Variants in ADAMTSL1 observed in about 807,000 individuals in gnomAD.
The protein encoded by ADAMTSL1 is ADAMTS-like protein 1.
ADAMTSL1 carries 126 observed loss-of-function variants against 201.8 expected under a neutral mutation model. The ratio of observed to expected loss-of-function variants is 0.62; its 90% CI spans 0.54 to 0.72. ADAMTSL1 has a LOEUF of 0.72. Ranked by LOEUF, ADAMTSL1 falls within the 30% of genes least tolerant of loss-of-function variation. The probability of loss-of-function intolerance (pLI) is 0.00; values close to 1 mark genes in which losing one functional copy is unlikely to be tolerated. For synonymous variants in ADAMTSL1, 1,121 were observed against 903.4 expected (o/e 1.24, Z -4.32); for missense variants, 2,679 against 2,277.8 (o/e 1.18, Z -3.59).
chr9:18,238,118 G>T (rs1403521669), intron 2 of ADAMTSL1, among the ~76,000 whole-genome samples: 1 of 152,132 alleles, frequency 6.6e-6, no homozygotes, highest in African/African-American at 2.4e-5. Flanking sequence ...TCAGAGGTCT[G>T]GGAGATGTTG....
chr9:17,991,772 A>G (rs962976024), intron 1 of ADAMTSL1, among the ~76,000 whole-genome samples: 21 of 152,164 alleles, frequency 1.4e-4, no homozygotes, highest in Non-Finnish European at 2.2e-4. Context: ...GTACACGTGC[A>G]TCCTTAACTT....
chr9:18,610,665 C>T (rs1470337517), intron 4 of ADAMTSL1, among the ~76,000 whole-genome samples: 1 of 152,002 alleles, frequency 6.6e-6, no homozygotes, highest in African/African-American at 2.4e-5. Context: ...CAGGTAAGAG[C>T]CAAAGAATGA....
chr9:18,540,422 TCTAC>T (rs1820058519), intron 3 of ADAMTSL1, among the ~76,000 whole-genome samples: 1 of 152,170 alleles, frequency 6.6e-6, no homozygotes, highest in Non-Finnish European at 1.5e-5. Flanking sequence ...GGAGGGTTGC[TCTAC>T]CTGAGGTGGT....
chr9:18,099,326 AAT>A (rs71333027), intron 1 of ADAMTSL1, among the ~76,000 whole-genome samples: 2,096 of 57,536 alleles, frequency 0.036, 138 homozygotes, highest in South Asian at 0.062. Context: ...GCAAATGGAA[AAT>A]ATATATATAT....
At chr9:18,348,570 T>C (rs554588714) in intron 2 of ADAMTSL1, among the ~76,000 whole-genome samples, 1 of 152,330 alleles carries the variant, frequency 6.6e-6, no homozygotes, top group East Asian at 1.9e-4. Context: ...CCATTCATTC[T>C]ATAACTCATA....
intron 1 of ADAMTSL1, among the ~76,000 whole-genome samples, chr9:18,497,225 T>C (rs148229174): frequency 5.3e-4 from 80 of 152,330 alleles, no homozygotes; most frequent in African/African-American, 1.9e-3. Context: ...AAAATATCCC[T>C]ATAGTCCAGG....
rs1473897608 is a variant in ADAMTSL1, at chr9:18,906,675, C to T, written c.4962-17C>T. On this transcript the variant is annotated splice_polypyrimidine_tract_variant and intron_variant, in intron 27 of 28. Coordinates refer to ENST00000380548, the MANE Select transcript of ADAMTSL1 (RefSeq NM_001040272.6). Reference sequence around the variant, plus strand: ...CCCACAGAAGCAAACCTTAACCCTGCCACCATCCTCCTGCAGGCCTGTGAG... The same window carrying T: ...CCCACAGAAGCAAACCTTAACCCTGTCACCATCCTCCTGCAGGCCTGTGAG... 6.5e-7 allele frequency: 1 copy of T among 1,550,004 alleles called. No homozygotes were observed. Among genetic ancestry groups the T allele is most frequent in the East Asian group, 2.4e-5 (1 of 42,312 alleles).
chr9:18,043,367 G>T (rs944528889), intron 1 of ADAMTSL1, among the ~76,000 whole-genome samples: 1 of 152,100 alleles, frequency 6.6e-6, no homozygotes, highest in Non-Finnish European at 1.5e-5. Context: ...AAAATTTTTT[G>T]GGGGGATGTG....
At chr9:18,320,494 A>C (rs891385920) in intron 2 of ADAMTSL1, among the ~76,000 whole-genome samples, 2 of 152,188 alleles carry the variant, frequency 1.3e-5, no homozygotes, top group South Asian at 2.1e-4. Context: ...CCGCAGATCT[A>C]CAGTGTAACA....
At chr9:18,016,187 C>G (rs1291388737) in intron 1 of ADAMTSL1, among the ~76,000 whole-genome samples, 3 of 151,974 alleles carry the variant, frequency 2.0e-5, no homozygotes, top group African/African-American at 7.2e-5. Context: ...CCTTTTCTTT[C>G]TAGTGAAAAC....
intron 6 of ADAMTSL1, 137 bp downstream of exon 6, chr9:18,636,154 G>C (rs1301864141): frequency 1.4e-6 from 1 of 728,180 alleles, no homozygotes; most frequent in East Asian, 3.2e-5. Context: ...GAGTACCTCT[G>C]TTTATCTTTT....
intron 1 of ADAMTSL1, among the ~76,000 whole-genome samples, chr9:17,958,359 A>C (rs1430223668): frequency 6.6e-6 from 1 of 152,184 alleles, no homozygotes; most frequent in Non-Finnish European, 1.5e-5. Context: ...CAACTTGTAG[A>C]AACATTCCCT....
At chr9:18,342,127 C>T (rs1835489742) in intron 2 of ADAMTSL1, among the ~76,000 whole-genome samples, 1 of 152,134 alleles carries the variant, frequency 6.6e-6, no homozygotes. Context: ...CCCAGTTCTT[C>T]TTTTCTATGA....
intron 1 of ADAMTSL1, among the ~76,000 whole-genome samples, chr9:18,122,807 G>A (rs1429890821): frequency 6.6e-6 from 1 of 151,992 alleles, no homozygotes; most frequent in African/African-American, 2.4e-5. Context: ...TGGGGACTAG[G>A]TCTCACTGTA....
intron 2 of ADAMTSL1, among the ~76,000 whole-genome samples, chr9:18,428,752 T>A (rs1401590715): frequency 6.6e-6 from 1 of 152,272 alleles, no homozygotes; most frequent in Non-Finnish European, 1.5e-5. Context: ...ATTTCTTTAA[T>A]GTGCATAAAT....
upstream of ADAMTSL1, among the ~76,000 whole-genome samples, chr9:18,471,929 C>T (rs1420520429): frequency 1.3e-5 from 2 of 152,150 alleles, no homozygotes; most frequent in Non-Finnish European, 2.9e-5. Flanking sequence ...AAGTGGTTCC[C>T]AGTTATTTTC....
chr9:18,562,860 C>G (rs570429206), intron 3 of ADAMTSL1, among the ~76,000 whole-genome samples: 1 of 152,330 alleles, frequency 6.6e-6, no homozygotes, highest in Non-Finnish European at 1.5e-5. Flanking sequence ...TGTTTATCAG[C>G]ACCATCAGGT....
chr9:17,908,758 A>G (rs1196086800), intron 1 of ADAMTSL1, among the ~76,000 whole-genome samples: 2 of 152,202 alleles, frequency 1.3e-5, no homozygotes, highest in East Asian at 1.9e-4. Context: ...GCTCCCGGCC[A>G]ATGTGACTTG....
rs146507779 is a variant in ADAMTSL1, at chr9:18,698,590, C to A, written c.1575-8157C>A. ...AGTAAGCCACCATGCCTGGACTGTG[C>A]CACTGCACTCAGCCAATATTTTGAA... On this transcript the variant is annotated intron_variant, in intron 13 of 28. Transcript: ENST00000380548. 4.9e-3 allele frequency among the ~76,000 whole-genome samples: 740 copies of A among 152,228 alleles called. 9 individuals carry two copies. The highest frequency in any genetic ancestry group is 0.016 in the African/African-American group (683 of 41,536).
Sources: allele counts gnomAD v4.1 joint callset (sites outside exome capture counted in the v4.1 genomes callset), GRCh38; gene constraint gnomAD v4.1.1; transcripts MANE v1.5; gene names NCBI Gene and HGNC (gene_info 2026-07-23, HGNC 2026-07-21).